KANSL1: variants seen among roughly 807,000 people sequenced by gnomAD.
KANSL1 encodes the protein KAT8 regulatory NSL complex subunit 1.
In KANSL1, 22 loss-of-function variants were observed where a neutral mutation model predicts 103.6. The ratio of observed to expected loss-of-function variants is 0.21; its 90% CI spans 0.15 to 0.30. The LOEUF (loss-of-function observed/expected upper bound fraction) is 0.30, where lower values mean the gene tolerates loss of function less well. Ranked by LOEUF, KANSL1 falls within the 10% of genes least tolerant of loss-of-function variation. The pLI, the probability that KANSL1 is intolerant of heterozygous loss-of-function variation, is 1.00. For synonymous variants in KANSL1, 600 were observed against 527.6 expected (o/e 1.14, Z -1.88); for missense variants, 1,337 against 1,399.8 (o/e 0.96, Z 0.72).
chr17:46,085,291 T>C (rs2079123499), intron 3 of KANSL1, among the ~76,000 whole-genome samples: 1 of 152,194 alleles, frequency 6.6e-6, no homozygotes, highest in South Asian at 2.1e-4. Flanking sequence ...CAAATTGCCG[T>C]TCGTCCTTCC....
At position 46,094,427 on chromosome 17, in the gene KANSL1, C is replaced by T. The variant is rs183735209; in HGVS notation, c.1431+133G>A. 1.5e-4 allele frequency: 161 copies of T among 1,099,680 alleles called. 1 individual carries two copies. In the African/African-American group the frequency reaches 2.5e-3, roughly 17 times the overall value. The allele number at this position is 1,099,680 out of a possible 1,614,324, so 68.1% of individuals were successfully genotyped here. The stretch of plus-strand genomic sequence containing the variant: ...AGGTTCTTAAATTAAACCACTATAT[C>T]AGGTCATTAAACCATTTACTTTGCA... On this transcript the variant is annotated intron_variant, in intron 3 of 14. Transcript: ENST00000432791.
At position 46,193,219 on chromosome 17, in the gene KANSL1, AC is replaced by A. The variant is rs1182796229; in HGVS notation, c.-487del. 1.3e-5 allele frequency: 2 copies of A among 149,644 alleles called. No individual in the cohort carries two copies. Among genetic ancestry groups the A allele is most frequent in the Non-Finnish European group, 2.9e-5 (2 of 68,048 alleles). 9.3% of individuals were successfully genotyped at this position (149,644 alleles called of 1,614,324 possible). A position where few individuals can be genotyped will look rare whatever the true frequency, so the allele number is the denominator to read the frequency against. On this transcript the variant is annotated 5_prime_UTR_variant, in exon 1 of 15. Coordinates refer to ENST00000432791, the MANE Select transcript of KANSL1 (RefSeq NM_015443.4). The stretch of plus-strand genomic sequence containing the variant: ...ACCGCCGTCTGCAGCCCGAACCCGC[AC>A]CCAGGCCGCCACCCCCGGCCGCCTC...
intron 1 of KANSL1, among the ~76,000 whole-genome samples, chr17:46,187,443 A>G (rs1167146512): frequency 6.6e-6 from 1 of 152,256 alleles, no homozygotes; most frequent in East Asian, 1.9e-4. Context: ...GGTTCAGGTT[A>G]CAAGAACCAG....
chr17:46,089,564 TC>T, intron 3 of KANSL1, among the ~76,000 whole-genome samples: 1 of 121,802 alleles, frequency 8.2e-6, no homozygotes, highest in East Asian at 2.1e-4. Flanking sequence ...TAGGTTCATC[TC>T]AAAAAAAAAA....
intron 2 of KANSL1, among the ~76,000 whole-genome samples, chr17:46,146,908 A>G (rs2044739253): frequency 6.6e-6 from 1 of 151,926 alleles, no homozygotes; most frequent in African/African-American, 2.4e-5. Context: ...TTTTTTTGGA[A>G]AAGGTGAAGA....
intron 6 of KANSL1, among the ~76,000 whole-genome samples, chr17:46,053,657 G>A (rs1044365062): frequency 6.6e-6 from 1 of 152,034 alleles, no homozygotes; most frequent in Non-Finnish European, 1.5e-5. Flanking sequence ...GGATGGTCTT[G>A]ATCTCCTGAC....
Position 46,029,974 on chromosome 17 carries a change from T to C in KANSL1, c.*1502A>G, listed in dbSNP as rs1199465338. 1 of 151,928 alleles carries C rather than the reference T, an allele frequency of 6.6e-6. No individual in the cohort carries two copies. The highest frequency in any genetic ancestry group is 1.5e-5 in the Non-Finnish European group (1 of 67,902). The allele number at this position is 151,928 out of a possible 1,614,324, so 9.4% of individuals were successfully genotyped here. A position where few individuals can be genotyped will look rare whatever the true frequency, so the allele number is the denominator to read the frequency against. On this transcript the variant is annotated 3_prime_UTR_variant, in exon 15 of 15. Transcript: ENST00000432791. ...TTCCTTCTTTTTTTTTTTTAAGCAC[T>C]AGTCTGTGCTTTGCGAACAGAATCA...
chr17:46,167,215 T>C (rs17585644), intron 2 of KANSL1, among the ~76,000 whole-genome samples: 21,944 of 149,694 alleles, frequency 0.15, 2,138 homozygotes, highest in Non-Finnish European at 0.22. Flanking sequence ...ACCCAGAAAA[T>C]GAAAAGCAAA....
At chr17:46,091,638 T>C (rs1211288368) in intron 3 of KANSL1, among the ~76,000 whole-genome samples, 1 of 152,164 alleles carries the variant, frequency 6.6e-6, no homozygotes, top group Non-Finnish European at 1.5e-5. Flanking sequence ...ATTTTTTCTA[T>C]GTTTAGGTAT....
At chr17:46,187,051 A>G (rs1439618171) in intron 1 of KANSL1, among the ~76,000 whole-genome samples, 3 of 152,152 alleles carry the variant, frequency 2.0e-5, no homozygotes, top group Non-Finnish European at 4.4e-5. Context: ...ATTTCTATGA[A>G]GTGTCTCTCC....
intron 3 of KANSL1, among the ~76,000 whole-genome samples, chr17:46,087,686 ATTAC>A (rs1244277961): frequency 1.3e-5 from 2 of 152,150 alleles, no homozygotes; most frequent in Non-Finnish European, 2.9e-5. Flanking sequence ...GGTCTACATA[ATTAC>A]TTAACATTCC....
chr17:46,088,486 A>G (rs74348235), intron 3 of KANSL1: 21,670 of 151,932 alleles, frequency 0.14, 2,127 homozygotes, highest in Non-Finnish European at 0.22. Flanking sequence ...TTCCCATTCA[A>G]CTCCTTCCCT....
intron 2 of KANSL1, among the ~76,000 whole-genome samples, chr17:46,105,615 C>CA (rs533910488): frequency 7.0e-4 from 79 of 112,680 alleles, no homozygotes; most frequent in African/African-American, 2.0e-3. Context: ...AACCCTGTCT[C>CA]AAAAAAACAA....
chr17:46,133,904 G>T (rs1280942212), intron 2 of KANSL1, among the ~76,000 whole-genome samples: 3 of 152,212 alleles, frequency 2.0e-5, no homozygotes, highest in Non-Finnish European at 4.4e-5. Flanking sequence ...AAGGAGAGAT[G>T]ATGGTGGCTG....
intron 2 of KANSL1, among the ~76,000 whole-genome samples, chr17:46,128,889 T>G (rs2043707190): frequency 6.6e-6 from 1 of 152,212 alleles, no homozygotes; most frequent in Non-Finnish European, 1.5e-5. Context: ...ACGGATGTGT[T>G]ATCGACACAC....
At chr17:46,117,515 G>T (rs2043096279) in intron 2 of KANSL1, among the ~76,000 whole-genome samples, 1 of 152,198 alleles carries the variant, frequency 6.6e-6, no homozygotes, top group African/African-American at 2.4e-5. Context: ...ATTAGTGATG[G>T]TGGCAGTGGC....
At chr17:46,161,669 CTCTAT>C (rs1280210966) in intron 2 of KANSL1, among the ~76,000 whole-genome samples, 2 of 152,236 alleles carry the variant, frequency 1.3e-5, no homozygotes, top group African/African-American at 4.8e-5. Context: ...GGCACATGCC[CTCTAT>C]TCTTTTAGGC....
chr17:46,220,672 T>G (rs1202348856), intron 1 of KANSL1, among the ~76,000 whole-genome samples: 2 of 152,266 alleles, frequency 1.3e-5, no homozygotes, highest in African/African-American at 4.8e-5. Flanking sequence ...TTCTTATTTA[T>G]TCTTCTAAAG....
intron 6 of KANSL1, among the ~76,000 whole-genome samples, chr17:46,063,770 TA>T (rs1490785214): frequency 6.6e-5 from 10 of 152,054 alleles, no homozygotes; most frequent in Admixed American, 6.6e-4. Context: ...CTTCACATAT[TA>T]AAAAACAAAA....
Sources: allele counts gnomAD v4.1 joint callset (sites outside exome capture counted in the v4.1 genomes callset), GRCh38; gene constraint gnomAD v4.1.1; transcripts MANE v1.5; gene names NCBI Gene and HGNC (gene_info 2026-07-23, HGNC 2026-07-21).